DLG2: variants seen among roughly 807,000 people sequenced by gnomAD.
DLG2 encodes the protein disks large homolog 2.
In DLG2, 45 loss-of-function variants were observed where a neutral mutation model predicts 132.5. That is an observed-to-expected ratio of 0.34 (90% CI 0.27 to 0.44). The LOEUF is 0.44. DLG2 is among the 20% of genes least tolerant of loss of function. The pLI, the probability that DLG2 is intolerant of heterozygous loss-of-function variation, is 1.00. For missense variants in DLG2, 1,045 were observed against 1,196.9 expected (o/e 0.87, Z 1.87); for synonymous variants, 424 against 419.6 (o/e 1.01, Z -0.13).
At chr11:85,362,961 G>C (rs142251179) in intron 3 of DLG2, among the ~76,000 whole-genome samples, 1 of 152,242 alleles carries the variant, frequency 6.6e-6, no homozygotes, top group African/African-American at 2.4e-5. Flanking sequence ...AGGACTAAAG[G>C]TAGAGCTGGT....
At chr11:83,812,550 A>T (rs1449800306) in intron 17 of DLG2, among the ~76,000 whole-genome samples, 1 of 152,182 alleles carries the variant, frequency 6.6e-6, no homozygotes, top group East Asian at 1.9e-4. Context: ...TGTTTCTGAA[A>T]TTCTTTCCTC....
chr11:84,824,107 T>G (rs4511292), intron 6 of DLG2, among the ~76,000 whole-genome samples: 25 of 151,836 alleles, frequency 1.6e-4, no homozygotes, highest in Non-Finnish European at 3.2e-4. Flanking sequence ...TGTATGTCCC[T>G]CTCACCAATA....
chr11:84,401,423 G>T (rs1025236449), intron 7 of DLG2, among the ~76,000 whole-genome samples: 2 of 152,028 alleles, frequency 1.3e-5, no homozygotes, highest in Non-Finnish European at 2.9e-5. Flanking sequence ...GCGGACAAGG[G>T]CTGTTTCTAT....
At chr11:83,570,049 C>T (rs1368234985) in intron 19 of DLG2, among the ~76,000 whole-genome samples, 1 of 152,228 alleles carries the variant, frequency 6.6e-6, no homozygotes, top group Non-Finnish European at 1.5e-5. Flanking sequence ...TGGCTGGTCA[C>T]TTCATGCACT....
At chr11:85,357,727 TATATATATATATATATATATATA>T (rs1376129338) in intron 3 of DLG2, among the ~76,000 whole-genome samples, 5 of 2,872 alleles carry the variant, frequency 1.7e-3, no homozygotes, top group Non-Finnish European at 4.8e-3. Flanking sequence ...TATATATATA[TATATATATATATATATATATATA>T]TATATATATA....
At chr11:84,931,591 T>A (rs1038725075) in intron 6 of DLG2, among the ~76,000 whole-genome samples, 7 of 152,234 alleles carry the variant, frequency 4.6e-5, no homozygotes, top group South Asian at 2.1e-4. Flanking sequence ...TGTGTCTTTA[T>A]AATAAAATGA....
At chr11:84,837,996 T>C (rs961012605) in intron 6 of DLG2, among the ~76,000 whole-genome samples, 1 of 151,816 alleles carries the variant, frequency 6.6e-6, no homozygotes, top group Non-Finnish European at 1.5e-5. Context: ...TCATGATGCA[T>C]GTCAAAGCTT....
chr11:85,390,048 T>G (rs1369416052), intron 3 of DLG2, among the ~76,000 whole-genome samples: 2 of 152,062 alleles, frequency 1.3e-5, no homozygotes, highest in African/African-American at 4.8e-5. Context: ...ATGCTCCACT[T>G]AAAAGATACA....
chr11:85,495,293 C>T (rs1565582662), intron 3 of DLG2, among the ~76,000 whole-genome samples: 1 of 152,068 alleles, frequency 6.6e-6, no homozygotes, highest in Non-Finnish European at 1.5e-5. Context: ...GAATCACATG[C>T]TCTAAAATCT....
intron 4 of DLG2, among the ~76,000 whole-genome samples, chr11:85,212,423 C>T (rs779006711): frequency 6.6e-6 from 1 of 152,062 alleles, no homozygotes; most frequent in Non-Finnish European, 1.5e-5. Context: ...GTTAGAAATT[C>T]TACTTGGTCT....
At chr11:83,886,274 A>T (rs1167728856) in intron 15 of DLG2, among the ~76,000 whole-genome samples, 1 of 152,186 alleles carries the variant, frequency 6.6e-6, no homozygotes, top group Admixed American at 6.5e-5. Context: ...CAAATGGGAA[A>T]CAAAAAAGGC....
chr11:84,570,291 A>G (rs2099476626), intron 6 of DLG2, among the ~76,000 whole-genome samples: 1 of 152,106 alleles, frequency 6.6e-6, no homozygotes, highest in South Asian at 2.1e-4. Flanking sequence ...ATTCTTGTTC[A>G]AGAATCAGTT....
At chr11:84,468,827 A>G (rs999555258) in intron 7 of DLG2, among the ~76,000 whole-genome samples, 3 of 151,638 alleles carry the variant, frequency 2.0e-5, no homozygotes, top group African/African-American at 7.3e-5. Context: ...ATTTTGCTTT[A>G]AATGTTTTAA....
chr11:84,288,107 G>T (rs2097934998), intron 7 of DLG2, among the ~76,000 whole-genome samples: 1 of 151,894 alleles, frequency 6.6e-6, no homozygotes, highest in Non-Finnish European at 1.5e-5. Flanking sequence ...GATATCATAT[G>T]ATATTAAATA....
At chr11:84,201,808 C>CTTTTTTTTTTT (rs58905339) in intron 8 of DLG2, among the ~76,000 whole-genome samples, 1 of 64,584 alleles carries the variant, frequency 1.5e-5, no homozygotes, top group Non-Finnish European at 2.6e-5. Flanking sequence ...AAACTATTTT[C>CTTTTTTTTTTT]TTTTTTTTTT....
chr11:84,255,447 C>T (rs2097452369), intron 7 of DLG2, among the ~76,000 whole-genome samples: 3 of 152,116 alleles, frequency 2.0e-5, no homozygotes, highest in Admixed American at 2.0e-4. Context: ...CCTCAGCCTC[C>T]CAAGTAGCTG....
rs552118723 is a variant in DLG2 at position 83,469,384 on chromosome 11, C to T, written c.2447-11G>A. The T allele has an allele frequency of 6.3e-7, 1 of 1,596,156 alleles. No individual in the cohort carries two copies. The highest frequency in any genetic ancestry group is 1.1e-5 in the South Asian group (1 of 87,838). Reference sequence around the variant, plus strand: ...TTGGCCTCGTAGTATCTTTATAAAACAAAAAATGATAAAATTAAGGTGCAT... The same window carrying T: ...TTGGCCTCGTAGTATCTTTATAAAATAAAAAATGATAAAATTAAGGTGCAT... On this transcript the variant is annotated splice_polypyrimidine_tract_variant and intron_variant, in intron 24 of 27. Transcript: ENST00000376104.
intron 4 of DLG2, among the ~76,000 whole-genome samples, chr11:85,217,185 C>G (rs2082672693): frequency 6.6e-6 from 1 of 151,800 alleles, no homozygotes; most frequent in South Asian, 2.1e-4. Context: ...AAAAAAGGAA[C>G]AGAACTATGA....
intron 18 of DLG2, among the ~76,000 whole-genome samples, chr11:83,748,072 C>T (rs992550553): frequency 2.2e-4 from 33 of 152,240 alleles, no homozygotes; most frequent in African/African-American, 5.8e-4. Flanking sequence ...TTGAGAATCC[C>T]CATCTTTAAT....
Sources: gnomAD v4.1 joint callset for allele counts (sites outside exome capture counted in the v4.1 genomes callset) on GRCh38, gnomAD v4.1.1 for gene constraint, MANE v1.5 for transcripts, NCBI Gene and HGNC (gene_info 2026-07-23, HGNC 2026-07-21) for gene names.